ATG4B: variants seen among roughly 807,000 people sequenced by gnomAD.
ATG4B encodes the protein cysteine protease ATG4B.
In ATG4B, 29 loss-of-function variants were observed where a neutral mutation model predicts 56.6. That is an observed-to-expected ratio of 0.51 (90% CI 0.38 to 0.70). The LOEUF (loss-of-function observed/expected upper bound fraction) is 0.70, where lower values mean the gene tolerates loss of function less well. ATG4B is among the 30% of genes least tolerant of loss of function. The probability of loss-of-function intolerance (pLI) is 0.00; values close to 1 mark genes in which losing one functional copy is unlikely to be tolerated. For synonymous variants in ATG4B, 224 were observed against 206.1 expected (o/e 1.09, Z -0.74); for missense variants, 461 against 515.5 (o/e 0.89, Z 1.02).
chr2:241,654,812 C>A, intron 5 of ATG4B, 165 bp downstream of exon 5: 1 of 626,384 alleles, frequency 1.6e-6, no homozygotes. Context: ...CACATCACCC[C>A]CGTGTCATCC....
intron 7 of ATG4B, among the ~76,000 whole-genome samples, chr2:241,666,195 C>T (rs1050558035): frequency 1.3e-5 from 2 of 152,238 alleles, no homozygotes; most frequent in African/African-American, 4.8e-5. Flanking sequence ...CATCACCGCA[C>T]CCTCCGGTTG....
chr2:241,663,544 C>T (rs2068656009), intron 7 of ATG4B, among the ~76,000 whole-genome samples: 1 of 152,188 alleles, frequency 6.6e-6, no homozygotes, highest in African/African-American at 2.4e-5. Context: ...ACCTGTGTAT[C>T]TTCAGTACTA....
At chr2:241,652,954 A>G (rs2068266751) in intron 3 of ATG4B, among the ~76,000 whole-genome samples, 1 of 152,128 alleles carries the variant, frequency 6.6e-6, no homozygotes, top group African/African-American at 2.4e-5. Context: ...GTGGCCTTCC[A>G]CTGGACCCCT....
At chr2:241,640,766 C>T (rs2067858795) in intron 1 of ATG4B, among the ~76,000 whole-genome samples, 2 of 152,106 alleles carry the variant, frequency 1.3e-5, no homozygotes, top group South Asian at 4.2e-4. Context: ...GTAGCAAGAG[C>T]CTGGTGTGGC....
intron 12 of ATG4B, 127 bp from the exon 13 acceptor site, chr2:241,672,064 G>T (rs920590135): frequency 5.4e-6 from 8 of 1,473,504 alleles, no homozygotes; most frequent in East Asian, 2.5e-5. Context: ...GTTCACACCC[G>T]CATGGGGACA....
In ATG4B at chr2:241,657,497, G is replaced by T. The variant is rs542207341; in HGVS notation, c.459-1611G>T. Among the ~76,000 whole-genome samples, 108 of 150,318 alleles carry T rather than the reference G, an allele frequency of 7.2e-4. 2 individuals are homozygous for T. In the South Asian group the frequency reaches 0.023, roughly 31 times the overall value. ...TTTTTGTATTTTTAGTGGAGACAAGGTTTCACCATGTTAGCCAGGCTGGTC... is the reference window on the plus strand; with the variant it reads ...TTTTTGTATTTTTAGTGGAGACAAGTTTTCACCATGTTAGCCAGGCTGGTC... On this transcript the variant is annotated intron_variant, in intron 6 of 12. Transcript: ENST00000404914.
chr2:241,656,924 G>A (rs2068421714), intron 6 of ATG4B, among the ~76,000 whole-genome samples: 1 of 152,100 alleles, frequency 6.6e-6, no homozygotes, highest in East Asian at 1.9e-4. Context: ...GCCTCCCGAA[G>A]TGCTGGGATT....
chr2:241,660,776 C>T (rs1252760080), intron 7 of ATG4B, among the ~76,000 whole-genome samples: 1 of 152,182 alleles, frequency 6.6e-6, no homozygotes, highest in Admixed American at 6.5e-5. Flanking sequence ...ACACAATATA[C>T]TATTATACCT....
chr2:241,638,446 G>C (rs1408180441), intron 1 of ATG4B: 2 of 152,118 alleles, frequency 1.3e-5, no homozygotes, highest in African/African-American at 4.8e-5. Flanking sequence ...TTGCTAGCAA[G>C]ATTATTTTAA....
Position 241,665,749 on chromosome 2 carries a change from T to A in ATG4B, c.539-896T>A, listed in dbSNP as rs531868400. Reference sequence around the variant, plus strand: ...ACTGAGCATGTCCTGGTGAGCTGTGTGACTCCTGCCTGATAATGGTGGTTT... The same window carrying A: ...ACTGAGCATGTCCTGGTGAGCTGTGAGACTCCTGCCTGATAATGGTGGTTT... On this transcript the variant is annotated intron_variant, in intron 7 of 12. Coordinates refer to ENST00000404914, the MANE Select transcript of ATG4B (RefSeq NM_013325.5). Among the ~76,000 whole-genome samples the A allele has an allele frequency of 2.0e-5, 3 of 152,382 alleles. No homozygotes were observed. In the East Asian group the frequency reaches 5.8e-4, roughly 29 times the overall value.
intron 1 of ATG4B, among the ~76,000 whole-genome samples, chr2:241,647,223 A>G (rs1430886766): frequency 6.6e-6 from 1 of 152,242 alleles, no homozygotes; most frequent in Non-Finnish European, 1.5e-5. Context: ...TAAATAAAAG[A>G]TATGTGTATC....
chr2:241,663,114 T>G (rs2068642338), intron 7 of ATG4B, among the ~76,000 whole-genome samples: 2 of 152,156 alleles, frequency 1.3e-5, no homozygotes, highest in Non-Finnish European at 2.9e-5. Flanking sequence ...GCCCTCGTAA[T>G]CCCAGCTGCT....
intron 1 of ATG4B, among the ~76,000 whole-genome samples, chr2:241,646,576 G>A (rs900782276): frequency 1.3e-5 from 2 of 152,030 alleles, no homozygotes; most frequent in Non-Finnish European, 2.9e-5. Context: ...TCTTTTTCTG[G>A]GCTAGCAGTA....
At position 241,672,343 on chromosome 2, in the gene ATG4B, G is replaced by C; in HGVS notation, c.*79G>C. ...TGCGTTTCATCCATCCCGCCCGCTC[G>C]CCTGCCGAGGGCTGCGCCCCGTGCT... On this transcript the variant is annotated 3_prime_UTR_variant, in exon 13 of 13. Coordinates refer to ENST00000404914, the MANE Select transcript of ATG4B (RefSeq NM_013325.5). The C allele has an allele frequency of 7.6e-7, 1 of 1,322,694 alleles. No homozygotes were observed. Among genetic ancestry groups the C allele is most frequent in the Non-Finnish European group, 1.1e-6 (1 of 945,166 alleles). 81.9% of individuals were successfully genotyped at this position (1,322,694 alleles called of 1,614,324 possible).
At chr2:241,666,953 G>A (rs1192270887) in intron 8 of ATG4B, 115 bp downstream of exon 8, 2 of 1,267,534 alleles carry the variant, frequency 1.6e-6, no homozygotes, top group Non-Finnish European at 2.2e-6. Flanking sequence ...CTCGGGGGAG[G>A]GGTAAACAAC....
chr2:241,665,916 A>G lies in ATG4B; in HGVS notation c.539-729A>G, dbSNP rs145042817. On this transcript the variant is annotated intron_variant, in intron 7 of 12. Coordinates refer to ENST00000404914, the MANE Select transcript of ATG4B (RefSeq NM_013325.5). Reference sequence around the variant, plus strand: ...ACTGTCACCTGTCACTGTCACTGTCACCTGTCACTGTCCATCTTTTTGATG... The same window carrying G: ...ACTGTCACCTGTCACTGTCACTGTCGCCTGTCACTGTCCATCTTTTTGATG... Among the ~76,000 whole-genome samples, 240 of 152,028 alleles carry G rather than the reference A, an allele frequency of 1.6e-3. 2 individuals carry two copies. In the East Asian group the frequency reaches 0.042, roughly 27 times the overall value.
chr2:241,643,429 A>G (rs907634245), intron 1 of ATG4B, among the ~76,000 whole-genome samples: 1 of 144,388 alleles, frequency 6.9e-6, no homozygotes, highest in Non-Finnish European at 1.5e-5. Flanking sequence ...CTGGTCTCAA[A>G]CTCCTGGGCT....
chr2:241,647,029 C>G (rs2068080899), intron 1 of ATG4B, among the ~76,000 whole-genome samples: 1 of 152,194 alleles, frequency 6.6e-6, no homozygotes, highest in East Asian at 1.9e-4. Context: ...GGTGATCCAC[C>G]CGCCTTGGCC....
At chr2:241,658,780 G>A (rs945207799) in intron 6 of ATG4B, among the ~76,000 whole-genome samples, 2 of 152,256 alleles carry the variant, frequency 1.3e-5, no homozygotes, top group Non-Finnish European at 2.9e-5. Context: ...AACCCACAGC[G>A]TCTCAGAGCT....
Sources: gnomAD v4.1 joint callset for allele counts (sites outside exome capture counted in the v4.1 genomes callset) on GRCh38, gnomAD v4.1.1 for gene constraint, MANE v1.5 for transcripts, NCBI Gene and HGNC (gene_info 2026-07-23, HGNC 2026-07-21) for gene names.